The following EMC9 variants were observed in gnomAD, a reference collection of about 807,000 sequenced individuals.
EMC9 encodes UPF0172 protein FAM158A.
A neutral mutation model predicts 25.0 loss-of-function variants in EMC9; 20 were observed. The ratio of observed to expected loss-of-function variants is 0.80; its 90% CI spans 0.56 to 1.16. The LOEUF (loss-of-function observed/expected upper bound fraction) is 1.16, where lower values mean the gene tolerates loss of function less well. EMC9 is among the 50% of genes most tolerant of loss of function. The probability of loss-of-function intolerance (pLI) is 0.00; values close to 1 mark genes in which losing one functional copy is unlikely to be tolerated. For missense variants in EMC9, 256 were observed against 268.7 expected (o/e 0.95, Z 0.33); for synonymous variants, 100 against 107.0 (o/e 0.93, Z 0.40).
chr14:24,140,325 T>G (rs10873178), intron 3 of EMC9: 28,642 of 152,148 alleles, frequency 0.19, 2,989 homozygotes, highest in South Asian at 0.37. Context: ...TCCCAGCACT[T>G]TGGGAGTCCG....
Position 24,140,927 on chromosome 14 carries a change from A to T in EMC9, c.237T>A (p.Ala79=). The T allele has an allele frequency of 1.2e-6, 2 of 1,614,160 alleles. No individual in the cohort carries two copies. Among genetic ancestry groups the T allele is most frequent in the Non-Finnish European group, 1.7e-6 (2 of 1,180,028 alleles). ...CAGCTGCATTGGCATGGTAGTAACC[A>T]GCCACCACCAGACCGGCCTGTGCTC... ...VWGAQAGLVV[A]GYYHANAAVN... Residue 79 remains alanine, a synonymous_variant, in exon 3 of 6, where the codon GCT becomes GCA. Transcript: ENST00000216799.
chr14:24,139,147 G>T lies in EMC9; in HGVS notation c.490C>A (p.Leu164Met). ...AGGTGCTGGTGGGCCCGATCTTCCA[G>T]TAGAGCTCCCACCATCTGCCGTGAC... ...EESRQMVGAL[L>M]EDRAHQHLVD... The change falls in exon 6 of 6, where the codon CTG becomes ATG. Residue 164 changes from leucine (L) to methionine (M), a missense_variant. Leu to Met is a conservative substitution (Grantham distance 15). Coordinates refer to ENST00000216799, the MANE Select transcript of EMC9 (RefSeq NM_016049.4). The surrounding 1 kb of genome is among the most constrained non-coding windows in gnomAD (Gnocchi z 4.6). The T allele has an allele frequency of 6.2e-7, 1 of 1,614,220 alleles. No individual in the cohort carries two copies. The highest frequency in any genetic ancestry group is 8.5e-7 in the Non-Finnish European group (1 of 1,180,036).
chr14:24,139,651 CT>C lies in EMC9; in HGVS notation c.276-38del. On this transcript the variant is annotated intron_variant, in intron 3 of 5. Transcript: ENST00000216799. This position sits in a 1 kb window ranked among gnomAD's most constrained non-coding sequence, Gnocchi z 4.6. Reference sequence around the variant, plus strand: ...GAAGATCAGAGGAGTGAGGAGCCAACTGTGGGCAAAACCCATCCATTTGAGC... The same window carrying C: ...GAAGATCAGAGGAGTGAGGAGCCAACGTGGGCAAAACCCATCCATTTGAGC... 5.6e-6 allele frequency: 9 copies of C among 1,604,864 alleles called. No individual in the cohort carries two copies. Among genetic ancestry groups the C allele is most frequent in the Non-Finnish European group, 7.7e-6 (9 of 1,175,404 alleles).
Position 24,139,099 on chromosome 14 carries a change from C to T in EMC9, c.538G>A (p.Asp180Asn). The T allele has an allele frequency of 6.2e-7, 1 of 1,614,158 alleles. No homozygotes were observed. Among genetic ancestry groups the T allele is most frequent in the Non-Finnish European group, 8.5e-7 (1 of 1,180,036 alleles). ...TTGGTCCAGTCCTGCCGGATGTCAT[C>T]AAGGTGGCAGTCAAAGTCCACAAGG... ...QHLVDFDCHLDDIRQDWTNQR... is the reference protein window; with the variant it reads ...QHLVDFDCHLNDIRQDWTNQR... The change falls in exon 6 of 6, where the codon GAT (aspartate) becomes AAT (asparagine). Residue 180 changes from aspartate to asparagine, a missense_variant. Transcript: ENST00000216799. The surrounding 1 kb of genome is among the most constrained non-coding windows in gnomAD (Gnocchi z 4.6).
In EMC9 at chr14:24,139,108, AG is replaced by A. The variant is rs761387716; in HGVS notation, c.528del (p.Cys177AlafsTer?). 2.2e-4 allele frequency: 349 copies of A among 1,614,012 alleles called. No individual in the cohort carries two copies. The highest frequency in any genetic ancestry group is 2.7e-4 in the Non-Finnish European group (319 of 1,180,018). ...TCCTGCCGGATGTCATCAAGGTGGC[AG>A]TCAAAGTCCACAAGGTGCTGGTGGG... ...DRAHQHLVDF[D>X]CHLDDIRQDW... On this transcript the variant is annotated frameshift_variant, in exon 6 of 6. Coordinates refer to ENST00000216799, the MANE Select transcript of EMC9 (RefSeq NM_016049.4). LOFTEE classifies it high-confidence loss of function. The surrounding 1 kb of genome is among the most constrained non-coding windows in gnomAD (Gnocchi z 4.6).
rs373327731 is a variant in EMC9 at position 24,139,102 on chromosome 14, G to T, written c.535C>A (p.Leu179Ile). The change falls in exon 6 of 6, where the codon CTT becomes ATT. Residue 179 changes from leucine to isoleucine, a missense_variant. Transcript: ENST00000216799. The surrounding 1 kb of genome is among the most constrained non-coding windows in gnomAD (Gnocchi z 4.6). ...GTCCAGTCCTGCCGGATGTCATCAA[G>T]GTGGCAGTCAAAGTCCACAAGGTGC... is the stretch of plus-strand genomic sequence containing the variant. ...HQHLVDFDCH[L>I]DDIRQDWTNQ... is the part of the protein sequence containing the mutation. 9.9e-6 allele frequency: 16 copies of T among 1,614,146 alleles called. 1 individual carries two copies. In the Middle Eastern group the frequency reaches 8.3e-4, roughly 84 times the overall value.
chr14:24,141,012 T>C, intron 2 of EMC9, 47 bp from the exon 3 acceptor site: 1 of 1,614,066 alleles, frequency 6.2e-7, no homozygotes, highest in East Asian at 2.2e-5. Context: ...GCCGCTGGCT[T>C]TGTGGATGCG....
chr14:24,141,372 C>A (rs2038058719), intron 1 of EMC9, 56 bp from the exon 2 acceptor site: 1 of 1,555,978 alleles, frequency 6.4e-7, no homozygotes, highest in Non-Finnish European at 8.8e-7. Context: ...CGGTGCCTAG[C>A]TCGCGTCCGT....
Position 24,139,595 on chromosome 14 carries a change from T to G in EMC9, c.295A>C (p.Lys99Gln). 1 of 1,614,106 alleles carries G rather than the reference T, an allele frequency of 6.2e-7. No individual in the cohort carries two copies. The highest frequency in any genetic ancestry group is 8.5e-7 in the Non-Finnish European group (1 of 1,179,984). The stretch of plus-strand genomic sequence containing the variant: ...AATTCTGCAATTCGCCCAGCAATTT[T>G]CAAGGCCAGGGGCCCAGGGCTGTGT... Reference protein sequence around the residue: ...NDQSPGPLALKIAGRIAEFFP... With the variant: ...NDQSPGPLALQIAGRIAEFFP... The change falls in exon 4 of 6, where the codon AAA becomes CAA. Residue 99 changes from lysine (K) to glutamine (Q), a missense_variant. Physicochemically the swap from Lys to Gln is moderately conservative, Grantham distance 53 (BLOSUM62 1). Transcript: ENST00000216799. The surrounding 1 kb of genome is among the most constrained non-coding windows in gnomAD (Gnocchi z 4.6).
At position 24,139,122 on chromosome 14, in the gene EMC9, A is replaced by G; in HGVS notation, c.515T>C (p.Leu172Pro). The G allele has an allele frequency of 1.2e-6, 2 of 1,614,194 alleles. No individual in the cohort carries two copies. Among genetic ancestry groups the G allele is most frequent in the Non-Finnish European group, 1.7e-6 (2 of 1,180,034 alleles). ...ALLEDRAHQH[L>P]VDFDCHLDDI... The stretch of plus-strand genomic sequence containing the variant: ...ATCAAGGTGGCAGTCAAAGTCCACA[A>G]GGTGCTGGTGGGCCCGATCTTCCAG... Residue 172 changes from leucine (L) to proline (P), a missense_variant, in exon 6 of 6, where the codon CTT (leucine) becomes CCT (proline). Physicochemically the swap from Leu to Pro is moderately conservative, Grantham distance 98 (BLOSUM62 -3). Transcript: ENST00000216799. This position sits in a 1 kb window ranked among gnomAD's most constrained non-coding sequence, Gnocchi z 4.6.
chr14:24,140,811 CACGCATCCTCGCCCTCTATTCCTCCAAT>C, intron 3 of EMC9, 50 bp downstream of exon 3: 1 of 1,485,706 alleles, frequency 6.7e-7, no homozygotes, highest in Non-Finnish European at 9.3e-7. Context: ...CCCACCGCCC[CACGCATCCTCGCCCTCTATTCCTCCAAT>C]CCCCAACCCG....
Position 24,141,129 on chromosome 14 carries a change from A to G in EMC9, c.176T>C (p.Met59Thr). Residue 59 changes from methionine (M) to threonine (T), a missense_variant, in exon 2 of 6, where the codon ATG (methionine) becomes ACG (threonine). Transcript: ENST00000216799. ...LFHSHLALSV[M>T]LEVALNQVDV... ...CACCTGGTTGAGGGCGACCTCCAAC[A>G]TGACGGACAGGGCCAGGTGGCTGTG... is the stretch of plus-strand genomic sequence containing the variant. The G allele has an allele frequency of 6.2e-7, 1 of 1,614,130 alleles. No homozygotes were observed. The highest frequency in any genetic ancestry group is 2.2e-5 in the East Asian group (1 of 44,894).
chr14:24,140,795 G>GCCCCCCCCCCC, intron 3 of EMC9, 94 bp downstream of exon 3: 2 of 1,030,710 alleles, frequency 1.9e-6, no homozygotes, highest in Non-Finnish European at 2.9e-6. Flanking sequence ...GTGCGCCCCC[G>GCCCCCCCCCCC]CCCCGCCCAC....
At position 24,139,587 on chromosome 14, in the gene EMC9, A is replaced by C. The variant is rs780973792; in HGVS notation, c.303T>G (p.Ala101=). ...QSPGPLALKI[A]GRIAEFFPDA... is the part of the protein sequence containing the mutation. ...CAGGGAAGAATTCTGCAATTCGCCC[A>C]GCAATTTTCAAGGCCAGGGGCCCAG... The change falls in exon 4 of 6, where the codon GCT becomes GCG. Residue 101 remains alanine (A), a synonymous_variant. Transcript: ENST00000216799. This position sits in a 1 kb window ranked among gnomAD's most constrained non-coding sequence, Gnocchi z 4.6. 10 of 1,614,038 alleles carry C rather than the reference A, an allele frequency of 6.2e-6. No homozygotes were observed. The highest frequency in any genetic ancestry group is 8.5e-6 in the Non-Finnish European group (10 of 1,180,020).
chr14:24,139,336 AGGTAGAGGGAGTGG>A lies in EMC9; in HGVS notation c.440+10_440+23del. On this transcript the variant is annotated intron_variant, in intron 5 of 5. Coordinates refer to ENST00000216799, the MANE Select transcript of EMC9 (RefSeq NM_016049.4). The surrounding 1 kb of genome is among the most constrained non-coding windows in gnomAD (Gnocchi z 4.6). ...CCAGGAGCCTTGGGCTTCTAAGAAG[AGGTAGAGGGAGTGG>A]GGTACTCACAAGTTCTTATCCTTAG... 6.2e-7 allele frequency: 1 copy of A among 1,611,344 alleles called. No homozygotes were observed. Among genetic ancestry groups the A allele is most frequent in the Non-Finnish European group, 8.5e-7 (1 of 1,178,442 alleles).
chr14:24,141,587 A>C lies in EMC9; in HGVS notation c.-162T>G. On this transcript the variant is annotated 5_prime_UTR_variant, in exon 1 of 6. Coordinates refer to ENST00000216799, the MANE Select transcript of EMC9 (RefSeq NM_016049.4). ...CCCGCGCCCCTAGCTGGCGGCCGCG[A>C]CTCTGCGCCTGCCTGGGAGACAGAC... 1 of 571,720 alleles carries C rather than the reference A, an allele frequency of 1.7e-6. No individual in the cohort carries two copies. The highest frequency in any genetic ancestry group is 3.1e-6 in the Non-Finnish European group (1 of 318,942). The allele number at this position is 571,720 out of a possible 1,614,324, so 35.4% of individuals were successfully genotyped here.
chr14:24,139,487 C>G lies in EMC9; in HGVS notation c.346-33G>C. ...GACAAAGATGGGCAAGTGAGAGTTT[C>G]AAGGGTCCCCCCACCCTACTTGCTT... On this transcript the variant is annotated intron_variant, in intron 4 of 5. Coordinates refer to ENST00000216799, the MANE Select transcript of EMC9 (RefSeq NM_016049.4). The surrounding 1 kb of genome is among the most constrained non-coding windows in gnomAD (Gnocchi z 4.6). 1 of 1,613,600 alleles carries G rather than the reference C, an allele frequency of 6.2e-7. No individual in the cohort carries two copies.
Position 24,139,684 on chromosome 14 carries a change from TC to T in EMC9, c.276-71del, listed in dbSNP as rs764881449. On this transcript the variant is annotated intron_variant, in intron 3 of 5. Transcript: ENST00000216799. This position sits in a 1 kb window ranked among gnomAD's most constrained non-coding sequence, Gnocchi z 4.6. ...AAAACCCATCCATTTGAGCTGGGCCTCCCAGGTCTCATAGGTGTGGGCGCAG... is the reference window on the plus strand; with the variant it reads ...AAAACCCATCCATTTGAGCTGGGCCTCCAGGTCTCATAGGTGTGGGCGCAG... 9 of 1,574,220 alleles carry T rather than the reference TC, an allele frequency of 5.7e-6. No individual in the cohort carries two copies. The African/African-American group carries it at 1.2e-4, about 21-fold the overall frequency.
chr14:24,141,284 C>G lies in EMC9; in HGVS notation c.21G>C (p.Ser7=), dbSNP rs748050685. 1 of 1,614,152 alleles carries G rather than the reference C, an allele frequency of 6.2e-7. No homozygotes were observed. Among genetic ancestry groups the G allele is most frequent in the Admixed American group, 1.7e-5 (1 of 60,036 alleles). Residue 7 remains serine, a synonymous_variant, in exon 2 of 6, where the codon TCG becomes TCC. Transcript: ENST00000216799. The stretch of plus-strand genomic sequence containing the variant: ...GGCACATCTTCACGTAGGCCAGGGC[C>G]GAGATCTCCACCTCCCCCATGGCGA... MGEVEI[S]ALAYVKMCLH...
Sources: gnomAD v4.1 joint callset for allele counts on GRCh38, gnomAD v4.1.1 for gene constraint, Gnocchi (gnomAD v3.1) non-coding constraint, MANE v1.5 for transcripts, NCBI Gene and HGNC (gene_info 2026-07-23, HGNC 2026-07-21) for gene names.